The following PLCG2 variants were observed in gnomAD, a reference collection of about 807,000 sequenced individuals.
PLCG2 encodes the protein 1-phosphatidylinositol 4,5-bisphosphate phosphodiesterase gamma-2.
In PLCG2, 69 loss-of-function variants were observed where a neutral mutation model predicts 175.6. The observed-to-expected ratio is 0.39, with a 90% CI of 0.32 to 0.48. PLCG2 has a LOEUF of 0.48. Ranked by LOEUF, PLCG2 falls within the 20% of genes least tolerant of loss-of-function variation. The probability of loss-of-function intolerance (pLI) is 0.91; values close to 1 mark genes in which losing one functional copy is unlikely to be tolerated. For synonymous variants in PLCG2, 827 were observed against 624.0 expected, an observed-to-expected ratio of 1.33 and a Z score of -4.85; for missense variants, 1,798 against 1,650.9, an observed-to-expected ratio of 1.09 and a Z score of -1.54.
intron 5 of PLCG2, among the ~76,000 whole-genome samples, chr16:81,862,265 A>T (rs1907021028): frequency 6.6e-6 from 1 of 152,236 alleles, no homozygotes. Flanking sequence ...GACAAGTCTT[A>T]GGTGTTTTGC....
At chr16:81,907,836 C>A (rs1410375408) in intron 16 of PLCG2, 62 bp downstream of exon 16, 13 of 1,222,052 alleles carry the variant, frequency 1.1e-5, no homozygotes, top group Admixed American at 1.8e-5. Context: ...ACCAGCCAGT[C>A]CCCGGGACCT....
At position 81,939,940 on chromosome 16, in the gene PLCG2, C is replaced by T; in HGVS notation, c.3362C>T (p.Thr1121Ile). 1 of 1,613,918 alleles carries T rather than the reference C, an allele frequency of 6.2e-7. No individual in the cohort carries two copies. The highest frequency in any genetic ancestry group is 8.5e-7 in the Non-Finnish European group (1 of 1,179,788). Residue 1121 changes from threonine (T) to isoleucine (I), a missense_variant, in exon 30 of 33, where the codon ACA (threonine) becomes ATA (isoleucine). Transcript: ENST00000564138. ...PIWAPTQEKV[T>I]FEIYDPNLAF... ...TGGGCTCCAACACAGGAGAAGGTGA[C>T]ATTTGAAATTTATGACCCAAACCTG... is the stretch of plus-strand genomic sequence containing the variant.
chr16:81,938,830 T>C lies in PLCG2; in HGVS notation c.3228T>C (p.Leu1076=), dbSNP rs747407136. ...KVLGARHLPK[L]GRSIACPFVE... is the part of the protein sequence containing the mutation. ...TCGGTGCTCGCCATCTCCCCAAACT[T>C]GGACGAAGTATTGCCTGTCCCTTTG... The change falls in exon 29 of 33, where the codon CTT becomes CTC. Residue 1076 remains leucine (L), a synonymous_variant. Transcript: ENST00000564138. 1 of 1,611,018 alleles carries C rather than the reference T, an allele frequency of 6.2e-7. No individual in the cohort carries two copies. Among genetic ancestry groups the C allele is most frequent in the Non-Finnish European group, 8.5e-7 (1 of 1,178,714 alleles).
At chr16:81,942,133 A>G (rs1262661408) in intron 30 of PLCG2, among the ~76,000 whole-genome samples, 1 of 152,118 alleles carries the variant, frequency 6.6e-6, no homozygotes, top group Non-Finnish European at 1.5e-5. Context: ...GAACTCATCC[A>G]GCAGAGAGGG....
At position 81,959,326 on chromosome 16, in the gene PLCG2, T is replaced by C. The variant is rs1382207275; in HGVS notation, c.*1328T>C. ...CGAAATGCTGGGCTTAGTATGCATG[T>C]ACTGCTGAAAAGCAGGGCAGAACAA... On this transcript the variant is annotated 3_prime_UTR_variant, in exon 33 of 33. Coordinates refer to ENST00000564138, the MANE Select transcript of PLCG2 (RefSeq NM_002661.5). 3.6e-5 allele frequency: 8 copies of C among 222,622 alleles called. No homozygotes were observed. The highest frequency in any genetic ancestry group is 6.7e-5 in the African/African-American group (3 of 44,726). The allele number at this position is 222,622 out of a possible 1,614,324, so 13.8% of individuals were successfully genotyped here. A position where few individuals can be genotyped will look rare whatever the true frequency, so the allele number is the denominator to read the frequency against.
chr16:81,788,706 T>A (rs1911093733), intron 2 of PLCG2, among the ~76,000 whole-genome samples: 1 of 152,232 alleles, frequency 6.6e-6, no homozygotes, highest in Non-Finnish European at 1.5e-5. Flanking sequence ...ATGAGTGTGA[T>A]CAAACTGCTT....
intron 2 of PLCG2, among the ~76,000 whole-genome samples, chr16:81,756,788 G>A (rs1310487040): frequency 1.3e-5 from 2 of 152,202 alleles, no homozygotes; most frequent in African/African-American, 2.4e-5. Flanking sequence ...GCCTAGATGT[G>A]TCTACTGCAC....
upstream of PLCG2, among the ~76,000 whole-genome samples, chr16:81,776,101 T>TTTTTTTTTTTTCTTTCTTTC (rs1910398191): frequency 1.8e-5 from 1 of 55,310 alleles, no homozygotes; most frequent in African/African-American, 5.7e-5. Context: ...TTCTTTCTTT[T>TTTTTTTTTTTTCTTTCTTTC]TTTCCTTCTT....
rs750652771 is a variant in PLCG2, at chr16:81,956,712, T to C, written c.3588T>C (p.Leu1196=). 1.9e-6 allele frequency: 3 copies of C among 1,613,982 alleles called. No individual in the cohort carries two copies. Among genetic ancestry groups the C allele is most frequent in the South Asian group, 2.2e-5 (2 of 91,052 alleles). Reference sequence around the variant, plus strand: ...TCCTCCAGGAGAGCGAAGAGGAACTTTACTCCTCCTGTCGCCAGCTGAGGA... The same window carrying C: ...TCCTCCAGGAGAGCGAAGAGGAACTCTACTCCTCCTGTCGCCAGCTGAGGA... ...MRPVLESEEE[L]YSSCRQLRRR... The change falls in exon 32 of 33, where the codon CTT becomes CTC. Residue 1196 remains leucine (L), a synonymous_variant. Coordinates refer to ENST00000564138, the MANE Select transcript of PLCG2 (RefSeq NM_002661.5).
rs145210218 is a variant in PLCG2 at position 81,889,146 on chromosome 16, T to C, written c.766-26T>C. 82 of 1,380,704 alleles carry C rather than the reference T, an allele frequency of 5.9e-5. No homozygotes were observed. The African/African-American group carries it at 8.9e-4, about 15-fold the overall frequency. 85.5% of individuals were successfully genotyped at this position (1,380,704 alleles called of 1,614,324 possible). ...ATTTTATCAGTTCTCACTTTGCTGA[T>C]CTCTCGTTCTCTTTGTCATTTTAAG... On this transcript the variant is annotated intron_variant, in intron 9 of 32. Transcript: ENST00000564138.
chr16:81,838,619 G>A (rs891301611), intron 2 of PLCG2, among the ~76,000 whole-genome samples: 13 of 151,880 alleles, frequency 8.6e-5, no homozygotes, highest in African/African-American at 3.1e-4. Context: ...GGGGGTGGGG[G>A]CAAGGGGAGG....
chr16:81,910,771 A>T (rs752221869), intron 18 of PLCG2, 51 bp downstream of exon 18: 3 of 1,540,726 alleles, frequency 1.9e-6, no homozygotes, highest in Non-Finnish European at 2.7e-6. Flanking sequence ...GGTTAGCTCC[A>T]CCAGGCAGAG....
intron 1 of PLCG2, among the ~76,000 whole-genome samples, chr16:81,780,141 A>C: frequency 6.6e-6 from 1 of 152,038 alleles, no homozygotes; most frequent in East Asian, 1.9e-4. Context: ...TAGGGTGAGA[A>C]ACTATGGGGG....
chr16:81,932,195 G>T (rs1305566526), intron 25 of PLCG2, among the ~76,000 whole-genome samples: 4 of 152,142 alleles, frequency 2.6e-5, no homozygotes. Context: ...TTTTGGGAAG[G>T]TGTGAGCTTC....
At chr16:81,905,021 G>A (rs947798448) in intron 14 of PLCG2, among the ~76,000 whole-genome samples, 12 of 152,198 alleles carry the variant, frequency 7.9e-5, no homozygotes, top group African/African-American at 2.9e-4. Context: ...CTGAGTAGCT[G>A]GGATTACAGG....
chr16:81,756,237 G>A (rs1909924528), intron 2 of PLCG2, among the ~76,000 whole-genome samples: 1 of 152,262 alleles, frequency 6.6e-6, no homozygotes, highest in Admixed American at 6.5e-5. Context: ...AGGCCAACTG[G>A]CAAGTGGCCA....
intron 2 of PLCG2, among the ~76,000 whole-genome samples, chr16:81,769,825 A>C (rs1170856003): frequency 8.8e-6 from 1 of 113,686 alleles, no homozygotes; most frequent in Admixed American, 8.0e-5. Context: ...GTCTCAAAAA[A>C]AAAAAAAAAA....
chr16:81,817,100 A>G lies in PLCG2; in HGVS notation c.193+30918A>G, dbSNP rs535506369. Among the ~76,000 whole-genome samples the G allele has an allele frequency of 2.6e-5, 4 of 152,312 alleles. No homozygotes were observed. The South Asian group carries it at 8.3e-4, about 32-fold the overall frequency. ...TTTGAAGGCTGGTGGGGAGAGACGG[A>G]TGGTAAACAGGGAGGTGAAGACAAA... On this transcript the variant is annotated intron_variant, in intron 2 of 32. Transcript: ENST00000564138.
chr16:81,774,140 T>G (rs1910345157), intron 2 of PLCG2, among the ~76,000 whole-genome samples: 1 of 117,322 alleles, frequency 8.5e-6, no homozygotes, highest in Admixed American at 1.3e-4. Flanking sequence ...GAGATCAGCC[T>G]GGGTAACACG....
Sources: allele counts gnomAD v4.1 joint callset (sites outside exome capture counted in the v4.1 genomes callset), GRCh38; gene constraint gnomAD v4.1.1; transcripts MANE v1.5; gene names NCBI Gene and HGNC (gene_info 2026-07-23, HGNC 2026-07-21).